Variants in WWP2 observed in about 807,000 individuals in gnomAD.
The protein encoded by WWP2 is NEDD4-like E3 ubiquitin-protein ligase WWP2.
In WWP2, 57 loss-of-function variants were observed where a neutral mutation model predicts 121.0. That is an observed-to-expected ratio of 0.47 (90% CI 0.38 to 0.59). The LOEUF (loss-of-function observed/expected upper bound fraction) is 0.59. Among genes scored for constraint, WWP2 ranks in the 20% least tolerant of loss-of-function variants. The pLI, the probability that WWP2 is intolerant of heterozygous loss-of-function variation, is 0.00. For missense variants in WWP2, 962 were observed against 1,158.9 expected (o/e 0.83, Z 2.47); for synonymous variants, 449 against 441.3 (o/e 1.02, Z -0.22).
intron 1 of WWP2, among the ~76,000 whole-genome samples, chr16:69,778,831 G>A (rs1456877975): frequency 6.6e-6 from 1 of 151,546 alleles, no homozygotes; most frequent in Non-Finnish European, 1.5e-5. Context: ...ATAGAGACGG[G>A]GGTCTCACCA....
intron 1 of WWP2, among the ~76,000 whole-genome samples, chr16:69,767,338 G>A (rs574179962): frequency 4.6e-5 from 7 of 152,240 alleles, no homozygotes; most frequent in East Asian, 3.9e-4. Context: ...TGACCCTCAC[G>A]AGGTCAGATA....
chr16:69,805,174 G>C (rs2056249651), intron 4 of WWP2, among the ~76,000 whole-genome samples: 1 of 151,912 alleles, frequency 6.6e-6, no homozygotes, highest in Non-Finnish European at 1.5e-5. Context: ...TGAGTAGCTG[G>C]GATTACAGGC....
Position 69,903,096 on chromosome 16 carries a change from A to C in WWP2, c.915-5665A>C, listed in dbSNP as rs145371186. ...ACTATTCTTCTCGCTAAGCCAGTTG[A>C]GGGGGTTCATAGAAGGACATTGAGC... is the stretch of plus-strand genomic sequence containing the variant. On this transcript the variant is annotated intron_variant, in intron 8 of 23. Transcript: ENST00000359154. Among the ~76,000 whole-genome samples the C allele has an allele frequency of 3.9e-4, 60 of 152,284 alleles. 1 individual carries two copies. The East Asian group carries it at 7.7e-3, about 20-fold the overall frequency.
rs534725899 is a variant in WWP2 at position 69,925,071 on chromosome 16, C to T, written c.1180-359C>T. 9 of 1,035,322 alleles carry T rather than the reference C, an allele frequency of 8.7e-6. No individual in the cohort carries two copies. In the Admixed American group the frequency reaches 2.2e-4, roughly 25 times the overall value. The allele number at this position is 1,035,322 out of a possible 1,614,324, so 64.1% of individuals were successfully genotyped here. ...TTGGCCGCCTTGAGCCGGAGCTGAGCGGAGGCACTGGGCCGAGCCTGCTTC... is the reference window on the plus strand; with the variant it reads ...TTGGCCGCCTTGAGCCGGAGCTGAGTGGAGGCACTGGGCCGAGCCTGCTTC... On this transcript the variant is annotated intron_variant, in intron 10 of 23. Transcript: ENST00000359154. This position sits in a 1 kb window ranked among gnomAD's most constrained non-coding sequence, Gnocchi z 4.0.
intron 10 of WWP2, among the ~76,000 whole-genome samples, chr16:69,924,412 GTAAA>G (rs1045317904): frequency 6.6e-6 from 1 of 152,068 alleles, no homozygotes; most frequent in Non-Finnish European, 1.5e-5. Context: ...ATTTTAGTAA[GTAAA>G]ATAAAAATGC....
chr16:69,927,115 C>A (rs770623640), intron 11 of WWP2, among the ~76,000 whole-genome samples: 9 of 152,100 alleles, frequency 5.9e-5, no homozygotes, highest in Non-Finnish European at 4.4e-5. Flanking sequence ...CAGAAAAAAA[C>A]CCACAAAACT....
intron 4 of WWP2, among the ~76,000 whole-genome samples, chr16:69,825,382 C>T (rs1488642588): frequency 6.6e-6 from 1 of 151,258 alleles, no homozygotes; most frequent in Non-Finnish European, 1.5e-5. Context: ...TGAGATGGTG[C>T]CACTGCACTC....
chr16:69,862,589 G>A (rs181929172), intron 6 of WWP2, among the ~76,000 whole-genome samples: 1 of 151,774 alleles, frequency 6.6e-6, no homozygotes, highest in Admixed American at 6.6e-5. Context: ...CTCTTTTGCT[G>A]AACTTGAATA....
At chr16:69,857,772 C>A (rs2057345265) in intron 6 of WWP2, among the ~76,000 whole-genome samples, 1 of 151,284 alleles carries the variant, frequency 6.6e-6, no homozygotes, top group African/African-American at 2.4e-5. Context: ...AGTGATCTTC[C>A]CACCTCAGTC....
chr16:69,853,632 A>C (rs1008617319), intron 6 of WWP2, among the ~76,000 whole-genome samples: 1 of 151,878 alleles, frequency 6.6e-6, no homozygotes, highest in Admixed American at 6.5e-5. Context: ...GACCAGACTC[A>C]GGGACTGACG....
At position 69,925,444 on chromosome 16, in the gene WWP2, G is replaced by T; in HGVS notation, c.1194G>T (p.Ser398=). ...CTTGTGTTTAGTCTTCGAGTGCTTC[G>T]ACTGACCATGATCCCCTGGGCCCCC... ...QRFLYQSSSA[S]TDHDPLGPLP... is the part of the protein sequence containing the mutation. The change falls in exon 11 of 24, where the codon TCG becomes TCT. Residue 398 remains serine, a synonymous_variant. Coordinates refer to ENST00000359154, the MANE Select transcript of WWP2 (RefSeq NM_001270454.2). The surrounding 1 kb of genome is among the most constrained non-coding windows in gnomAD (Gnocchi z 4.0). 6.2e-7 allele frequency: 1 copy of T among 1,613,904 alleles called. No homozygotes were observed. The highest frequency in any genetic ancestry group is 8.5e-7 in the Non-Finnish European group (1 of 1,179,934).
chr16:69,935,713 T>A lies in WWP2; in HGVS notation c.1843-140T>A. 7.8e-7 allele frequency: 1 copy of A among 1,289,792 alleles called. No individual in the cohort carries two copies. Among genetic ancestry groups the A allele is most frequent in the Non-Finnish European group, 1.1e-6 (1 of 938,300 alleles). The allele number at this position is 1,289,792 out of a possible 1,614,324, so 79.9% of individuals were successfully genotyped here. A position where few individuals can be genotyped will look rare whatever the true frequency, so the allele number is the denominator to read the frequency against. On this transcript the variant is annotated intron_variant, in intron 17 of 23. Coordinates refer to ENST00000359154, the MANE Select transcript of WWP2 (RefSeq NM_001270454.2). The surrounding 1 kb of genome is among the most constrained non-coding windows in gnomAD (Gnocchi z 5.2). The stretch of plus-strand genomic sequence containing the variant: ...TTACTCCTGAGGCCCTCCCGCTGCG[T>A]CCGAGGCAGCTGCTGCTGTAGTTCT...
Position 69,799,368 on chromosome 16 carries a change from T to G in WWP2, c.340+73T>G. 3.2e-6 allele frequency: 5 copies of G among 1,558,730 alleles called. No individual in the cohort carries two copies. Among genetic ancestry groups the G allele is most frequent in the Non-Finnish European group, 4.3e-6 (5 of 1,151,142 alleles). ...GAGGACCTGGCAGATCAACCTGGTA[T>G]TGCAATTTCCCCCAGGACTAGGGGC... On this transcript the variant is annotated intron_variant, in intron 4 of 23. Coordinates refer to ENST00000359154, the MANE Select transcript of WWP2 (RefSeq NM_001270454.2). The surrounding 1 kb of genome is among the most constrained non-coding windows in gnomAD (Gnocchi z 4.5).
chr16:69,779,329 G>A (rs1218720945), intron 1 of WWP2, among the ~76,000 whole-genome samples: 1 of 152,168 alleles, frequency 6.6e-6, no homozygotes, highest in African/African-American at 2.4e-5. Context: ...ATGTCAGGGT[G>A]GTATCTTGCT....
At chr16:69,911,216 A>G (rs1319763070) in intron 9 of WWP2, among the ~76,000 whole-genome samples, 1 of 152,226 alleles carries the variant, frequency 6.6e-6, no homozygotes, top group East Asian at 1.9e-4. Context: ...CCCACAGGAA[A>G]CTTGTATGAG....
Position 69,885,068 on chromosome 16 carries a change from T to C in WWP2, c.704-2971T>C, listed in dbSNP as rs1349358086. Among the ~76,000 whole-genome samples the C allele has an allele frequency of 2.8e-5, 4 of 141,600 alleles. No individual in the cohort carries two copies. The East Asian group carries it at 8.3e-4, about 29-fold the overall frequency. The allele number at this position is 141,600 out of a possible 152,430, so 92.9% of individuals were successfully genotyped here. On this transcript the variant is annotated intron_variant, in intron 7 of 23. Transcript: ENST00000359154. Reference sequence around the variant, plus strand: ...GTTTTAATACTTTAGAAACTCCCCCTACACACACACACCACTCTTTTACAA... The same window carrying C: ...GTTTTAATACTTTAGAAACTCCCCCCACACACACACACCACTCTTTTACAA...
rs1310564817 is a variant in WWP2, at chr16:69,799,317, C to T, written c.340+22C>T. ...AAAAGTACGTATGATGAAGGGGGTG[C>T]CGACGTGATTCTTGGGTGGGGATGG... On this transcript the variant is annotated intron_variant, in intron 4 of 23. Coordinates refer to ENST00000359154, the MANE Select transcript of WWP2 (RefSeq NM_001270454.2). This position sits in a 1 kb window ranked among gnomAD's most constrained non-coding sequence, Gnocchi z 4.5. 6.2e-7 allele frequency: 1 copy of T among 1,607,364 alleles called. No individual in the cohort carries two copies. The highest frequency in any genetic ancestry group is 8.5e-7 in the Non-Finnish European group (1 of 1,176,684).
chr16:69,906,141 T>C (rs573036114), intron 8 of WWP2, among the ~76,000 whole-genome samples: 7 of 152,052 alleles, frequency 4.6e-5, no homozygotes, highest in Admixed American at 3.9e-4. Flanking sequence ...GGTGCGATCT[T>C]AGCTCACTGC....
At chr16:69,902,843 G>A (rs1033773564) in intron 8 of WWP2, among the ~76,000 whole-genome samples, 1 of 152,122 alleles carries the variant, frequency 6.6e-6, no homozygotes, top group Admixed American at 6.5e-5. Flanking sequence ...CGTCTGGTTG[G>A]TGATAGAATC....
Sources: allele counts gnomAD v4.1 joint callset (sites outside exome capture counted in the v4.1 genomes callset), GRCh38; gene constraint gnomAD v4.1.1; non-coding constraint Gnocchi (gnomAD v3.1); transcripts MANE v1.5; gene names NCBI Gene and HGNC (gene_info 2026-07-23, HGNC 2026-07-21).